ASIC2: variants seen among roughly 807,000 people sequenced by gnomAD.
ASIC2 encodes the protein acid sensing ion channel subunit 2.
A neutral mutation model predicts 57.3 loss-of-function variants in ASIC2; 25 were observed. That is an observed-to-expected ratio of 0.44 (90% confidence interval 0.32 to 0.61). ASIC2 has a LOEUF of 0.61. ASIC2 is among the 20% of genes least tolerant of loss of function. ASIC2 has a pLI of 0.06. For missense variants in ASIC2, 641 were observed against 738.1 expected (o/e 0.87, Z 1.52); for synonymous variants, 319 against 307.5 (o/e 1.04, Z -0.39).
intron 1 of ASIC2, among the ~76,000 whole-genome samples, chr17:33,761,700 C>T (rs996032301): frequency 1.3e-5 from 2 of 152,140 alleles, no homozygotes; most frequent in Non-Finnish European, 2.9e-5. Flanking sequence ...GCCCCTCATA[C>T]ACTATGAAAG....
chr17:34,154,995 C>A (rs914942610), intron 1 of ASIC2, among the ~76,000 whole-genome samples: 1 of 152,114 alleles, frequency 6.6e-6, no homozygotes, highest in African/African-American at 2.4e-5. Flanking sequence ...CTCCTCTCGT[C>A]CTTTCCTCTC....
chr17:33,843,626 G>A (rs1451070198), intron 1 of ASIC2, among the ~76,000 whole-genome samples: 2 of 152,222 alleles, frequency 1.3e-5, no homozygotes, highest in African/African-American at 4.8e-5. Context: ...GATTCATGCA[G>A]AGAAGTAGTT....
At chr17:33,802,278 A>C (rs1448619958) in intron 1 of ASIC2, among the ~76,000 whole-genome samples, 1 of 152,236 alleles carries the variant, frequency 6.6e-6, no homozygotes. Context: ...GCCTAGAAAC[A>C]TAGGCTGTCC....
At chr17:33,648,059 A>AT (rs1253350470) in intron 1 of ASIC2, among the ~76,000 whole-genome samples, 1 of 152,156 alleles carries the variant, frequency 6.6e-6, no homozygotes, top group African/African-American at 2.4e-5. Context: ...CACAAGATGT[A>AT]TTTCTTAACT....
intron 1 of ASIC2, among the ~76,000 whole-genome samples, chr17:33,376,990 C>G (rs58504580): frequency 0.014 from 2,188 of 152,194 alleles, 73 homozygotes; most frequent in East Asian, 0.076. Flanking sequence ...CATTCATTCC[C>G]TATAATCTTT....
intron 1 of ASIC2, among the ~76,000 whole-genome samples, chr17:33,115,179 G>T (rs759737243): frequency 1.3e-5 from 2 of 152,162 alleles, no homozygotes; most frequent in Non-Finnish European, 2.9e-5. Context: ...TCTTCTGGGG[G>T]CAGTGTGCTG....
chr17:34,121,522 G>A (rs997960852), intron 1 of ASIC2, among the ~76,000 whole-genome samples: 1 of 152,132 alleles, frequency 6.6e-6, no homozygotes, highest in African/African-American at 2.4e-5. Flanking sequence ...CTTCAAGCAA[G>A]TGTCCCTGCT....
At chr17:33,741,518 ACT>A (rs1283205457) in intron 1 of ASIC2, among the ~76,000 whole-genome samples, 1 of 152,118 alleles carries the variant, frequency 6.6e-6, no homozygotes, top group Admixed American at 6.5e-5. Flanking sequence ...CAGATTCAAA[ACT>A]CAACACCCTG....
At chr17:33,352,128 C>G (rs1172921942) in intron 1 of ASIC2, among the ~76,000 whole-genome samples, 1 of 152,146 alleles carries the variant, frequency 6.6e-6, no homozygotes, top group East Asian at 1.9e-4. Flanking sequence ...TGCCACCCCT[C>G]TGAGCATGGT....
intron 1 of ASIC2, among the ~76,000 whole-genome samples, chr17:33,381,572 G>T (rs566252065): frequency 8.1e-6 from 1 of 123,452 alleles, no homozygotes; most frequent in African/African-American, 2.7e-5. Context: ...TATGTGCCCC[G>T]GGGGGGCACT....
chr17:33,251,572 A>G lies in ASIC2; in HGVS notation c.708+39836T>C, dbSNP rs183536654. Among the ~76,000 whole-genome samples, 121 of 152,252 alleles carry G rather than the reference A, an allele frequency of 7.9e-4. 1 individual carries two copies. The highest frequency in any genetic ancestry group is 2.8e-3 in the African/African-American group (118 of 41,558). ...TGAACTCCTGGCCTCAAGTCATCCT[A>G]CCGCTGTGGGCTCCTAAAGTGCGGG... On this transcript the variant is annotated intron_variant, in intron 1 of 9. Transcript: ENST00000225823.
At chr17:33,066,747 G>C (rs2092045117) in intron 3 of ASIC2, among the ~76,000 whole-genome samples, 1 of 152,170 alleles carries the variant, frequency 6.6e-6, no homozygotes, top group Admixed American at 6.5e-5. Flanking sequence ...GCTATACCTG[G>C]AAACCACGGC....
intron 1 of ASIC2, among the ~76,000 whole-genome samples, chr17:33,166,547 A>T (rs568679481): frequency 4.6e-5 from 7 of 152,050 alleles, no homozygotes; most frequent in Non-Finnish European, 8.8e-5. Context: ...CCCCTCCCTA[A>T]CTGCAGGTGT....
Position 33,469,953 on chromosome 17 carries a change from T to C in ASIC2, c.556-357886A>G, listed in dbSNP as rs566561950. 3.9e-5 allele frequency among the ~76,000 whole-genome samples: 6 copies of C among 152,116 alleles called. No individual in the cohort carries two copies. The East Asian group carries it at 1.2e-3, about 29-fold the overall frequency. ...ACAAGATGAGTAACAGCTTGGACTTTGGGGGTCAGCGGGGGCAGCTAACAT... is the reference window on the plus strand; with the variant it reads ...ACAAGATGAGTAACAGCTTGGACTTCGGGGGTCAGCGGGGGCAGCTAACAT... On this transcript the variant is annotated intron_variant, in intron 1 of 9. Coordinates refer to the ASIC2 transcript ENST00000359872.
At chr17:33,623,771 TTTTTTCTTC>T (rs1905887389) in intron 1 of ASIC2, among the ~76,000 whole-genome samples, 1 of 152,132 alleles carries the variant, frequency 6.6e-6, no homozygotes, top group South Asian at 2.1e-4. Context: ...CCTAACTACA[TTTTTTCTTC>T]TTTTTCTCTA....
rs77705050 is a variant in ASIC2 at position 34,056,503 on chromosome 17, G to A, written c.555+99475C>T. 4.1e-3 allele frequency among the ~76,000 whole-genome samples: 620 copies of A among 152,270 alleles called. 3 individuals carry two copies. The highest frequency in any genetic ancestry group is 0.014 in the African/African-American group (587 of 41,542). The stretch of plus-strand genomic sequence containing the variant: ...CTGGTAGGTAAGGAGTGCTGTGAGT[G>A]GTAAAGCATGTCCTTCTGGAGCATG... On this transcript the variant is annotated intron_variant, in intron 1 of 9. Coordinates refer to the ASIC2 transcript ENST00000359872.
intron 1 of ASIC2, among the ~76,000 whole-genome samples, chr17:33,357,689 AG>A (rs1416223083): frequency 6.6e-6 from 1 of 152,188 alleles, no homozygotes; most frequent in Admixed American, 6.5e-5. Context: ...GTCAAATTCC[AG>A]GGTGACTTTG....
At chr17:33,029,987 G>T (rs1452565739) in intron 3 of ASIC2, among the ~76,000 whole-genome samples, 1 of 152,070 alleles carries the variant, frequency 6.6e-6, no homozygotes, top group Non-Finnish European at 1.5e-5. Flanking sequence ...TTACTTTTGG[G>T]TTGTAAGAGT....
intron 1 of ASIC2, among the ~76,000 whole-genome samples, chr17:33,767,782 A>C (rs893585123): frequency 6.6e-6 from 1 of 152,204 alleles, no homozygotes; most frequent in African/African-American, 2.4e-5. Context: ...TAGACAATAC[A>C]TTTATTAGAA....
Sources: allele counts gnomAD v4.1 joint callset (sites outside exome capture counted in the v4.1 genomes callset), GRCh38; gene constraint gnomAD v4.1.1; transcripts MANE v1.5; gene names NCBI Gene and HGNC (gene_info 2026-07-23, HGNC 2026-07-21).